Variants in APAF1 observed in about 807,000 individuals in gnomAD.
APAF1 encodes the protein apoptotic protease-activating factor 1.
A neutral mutation model predicts 152.4 loss-of-function variants in APAF1; 91 were observed. That is an observed-to-expected ratio of 0.60 (90% CI 0.50 to 0.71). APAF1 has a LOEUF of 0.71. Ranked by LOEUF, APAF1 falls within the 30% of genes least tolerant of loss-of-function variation. The pLI, the probability that APAF1 is intolerant of heterozygous loss-of-function variation, is 0.00. For missense variants in APAF1, 1,283 were observed against 1,472.0 expected, an observed-to-expected ratio of 0.87 and a Z score of 2.10; for synonymous variants, 484 against 494.1, an observed-to-expected ratio of 0.98 and a Z score of 0.27.
chr12:98,679,861 TCA>T (rs2153323618), intron 13 of APAF1, among the ~76,000 whole-genome samples: 1 of 152,364 alleles, frequency 6.6e-6, no homozygotes, highest in East Asian at 1.9e-4. Context: ...CCACGCTCAC[TCA>T]CACACGCCTC....
rs556068837 is a variant in APAF1, at chr12:98,647,120, A to T, written c.-41-1199A>T. On this transcript the variant is annotated intron_variant, in intron 1 of 26. Transcript: ENST00000551964. ...GAAATGATAATGTGTGCTAAAAAAAATTGACAGTAGAGGCCGGGCATGGTG... is the reference window on the plus strand; with the variant it reads ...GAAATGATAATGTGTGCTAAAAAAATTTGACAGTAGAGGCCGGGCATGGTG... Among the ~76,000 whole-genome samples the T allele has an allele frequency of 3.5e-4, 54 of 152,226 alleles. 1 individual carries two copies. Among genetic ancestry groups the T allele is most frequent in the African/African-American group, 1.2e-3 (51 of 41,532 alleles).
chr12:98,662,495 G>A lies in APAF1; in HGVS notation c.750G>A (p.Val250=). 2 of 1,613,612 alleles carry A rather than the reference G, an allele frequency of 1.2e-6. No homozygotes were observed. Among genetic ancestry groups the A allele is most frequent in the South Asian group, 1.1e-5 (1 of 91,066 alleles). ...TGGATGATGTTTGGGACTCTTGGGT[G>A]TTGAAAGCTTTTGACAGTCAGTGTC... ...LILDDVWDSW[V]LKAFDSQCQI... Residue 250 remains valine, a synonymous_variant, in exon 6 of 27, where the codon GTG becomes GTA. Transcript: ENST00000551964.
Position 98,662,582 on chromosome 12 carries a change from GTTTACT to G in APAF1, c.823+18_823+23del, listed in dbSNP as rs1565861327. 2 of 1,607,756 alleles carry G rather than the reference GTTTACT, an allele frequency of 1.2e-6. No individual in the cohort carries two copies. The highest frequency in any genetic ancestry group is 2.7e-5 in the African/African-American group (2 of 74,848). On this transcript the variant is annotated intron_variant, in intron 6 of 26. Transcript: ENST00000551964. ...ATTCAGTAATGGGTAAGGATTATTC[GTTTACT>G]TTTTAGTACCTTTATATTTAATTTA...
intron 26 of APAF1, among the ~76,000 whole-genome samples, chr12:98,728,396 T>G (rs1360463017): frequency 1.3e-5 from 2 of 152,104 alleles, no homozygotes; most frequent in African/African-American, 4.8e-5. Context: ...AGGAAAATGA[T>G]TTTCTATGGA....
intron 18 of APAF1, 121 bp downstream of exon 18, chr12:98,703,620 C>A: frequency 3.2e-6 from 4 of 1,256,018 alleles, no homozygotes; most frequent in Non-Finnish European, 4.6e-6. Context: ...AGAGTATTTT[C>A]TTTATAGCCT....
At chr12:98,663,857 C>T (rs2097668704) in intron 7 of APAF1, among the ~76,000 whole-genome samples, 1 of 151,902 alleles carries the variant, frequency 6.6e-6, no homozygotes, top group Admixed American at 6.6e-5. Context: ...CGGGGTTTCG[C>T]CATGTTGGTC....
rs1336415243 is a variant in APAF1 at position 98,671,031 on chromosome 12, G to T, written c.1553G>T (p.Gly518Val). 3 of 1,612,528 alleles carry T rather than the reference G, an allele frequency of 1.9e-6. No individual in the cohort carries two copies. Among genetic ancestry groups the T allele is most frequent in the Non-Finnish European group, 2.5e-6 (3 of 1,179,400 alleles). The change falls in exon 11 of 27, where the codon GGC becomes GTC. Residue 518 changes from glycine (G) to valine (V), a missense_variant. By Grantham distance (109) the Gly-to-Val change is moderately radical (BLOSUM62 -3). Coordinates refer to ENST00000551964, the MANE Select transcript of APAF1 (RefSeq NM_181861.2). ...DWIKAKTELVGPAHLIHEFVE... is the reference protein window; with the variant it reads ...DWIKAKTELVVPAHLIHEFVE... ...ATTAAAGCAAAAACAGAACTTGTAG[G>T]CCCTGCTCATCTGATTCATGAATTT...
intron 20 of APAF1, among the ~76,000 whole-genome samples, chr12:98,711,531 A>G (rs943463977): frequency 6.6e-6 from 1 of 152,164 alleles, no homozygotes; most frequent in Non-Finnish European, 1.5e-5. Context: ...ACTACCTGTG[A>G]TTGGTTGACT....
rs904473367 is a variant in APAF1, at chr12:98,663,661, C to CT, written c.955+864dup. Among the ~76,000 whole-genome samples the CT allele has an allele frequency of 5.9e-5, 9 of 151,352 alleles. No homozygotes were observed. The East Asian group carries it at 7.7e-4, about 13-fold the overall frequency. ...GAAATACCTTATTTTTCTTCTTTTT[C>CT]TTTTTTTTTCTCTTTTGAGACAAGT... On this transcript the variant is annotated intron_variant, in intron 7 of 26. Transcript: ENST00000551964.
intron 21 of APAF1, among the ~76,000 whole-genome samples, 156 bp from the exon 22 acceptor site, chr12:98,715,271 T>TC (rs1337512341): frequency 1.6e-5 from 2 of 124,650 alleles, no homozygotes; most frequent in Admixed American, 8.0e-5. Flanking sequence ...TATATATATA[T>TC]ATATATATAT....
intron 25 of APAF1, 81 bp downstream of exon 25, chr12:98,725,621 G>C: frequency 6.3e-7 from 1 of 1,591,656 alleles, no homozygotes; most frequent in Non-Finnish European, 8.6e-7. Context: ...CTTTGTTCAC[G>C]GGCCAGGGAA....
chr12:98,666,131 G>C, intron 8 of APAF1, 59 bp from the exon 9 acceptor site: 1 of 1,507,660 alleles, frequency 6.6e-7, no homozygotes, highest in Non-Finnish European at 9.2e-7. Context: ...GATAATACCT[G>C]TCTACAGTCC....
intron 12 of APAF1, among the ~76,000 whole-genome samples, chr12:98,676,279 G>C (rs1199456478): frequency 6.6e-6 from 1 of 151,988 alleles, no homozygotes; most frequent in Non-Finnish European, 1.5e-5. Context: ...GTATGATCTT[G>C]GCTCACTGCA....
chr12:98,652,863 T>C (rs1255795889), intron 4 of APAF1, among the ~76,000 whole-genome samples: 1 of 152,042 alleles, frequency 6.6e-6, no homozygotes, highest in Non-Finnish European at 1.5e-5. Context: ...CGACCTCAGG[T>C]GATCCCCCTG....
chr12:98,648,335 CAGAG>C lies in APAF1; in HGVS notation c.-19_-16del. 1 of 1,613,820 alleles carries C rather than the reference CAGAG, an allele frequency of 6.2e-7. No homozygotes were observed. The highest frequency in any genetic ancestry group is 1.1e-5 in the South Asian group (1 of 90,988). ...TGGCTGTAGCTCATGGTTGACAGCT[CAGAG>C]AGAGAAAGATCTGAGGGAAGATGGA... On this transcript the variant is annotated 5_prime_UTR_variant, in exon 2 of 27. Coordinates refer to ENST00000551964, the MANE Select transcript of APAF1 (RefSeq NM_181861.2).
chr12:98,665,664 C>T lies in APAF1; in HGVS notation c.1067C>T (p.Ser356Phe), dbSNP rs1227317636. 1.2e-6 allele frequency: 2 copies of T among 1,613,732 alleles called. No homozygotes were observed. The highest frequency in any genetic ancestry group is 2.2e-5 in the East Asian group (1 of 44,874). The change falls in exon 8 of 27, where the codon TCT becomes TTT. Residue 356 changes from serine to phenylalanine, a missense_variant. Transcript: ENST00000551964. Reference protein sequence around the residue: ...QNKQFKRIRKSSSYDYEALDE... With the variant: ...QNKQFKRIRKFSSYDYEALDE... ...AAGCAGTTTAAGAGAATAAGGAAAT[C>T]TTCGTCTTATGATTATGAGGCTCTA...
chr12:98,671,036 G>C lies in APAF1; in HGVS notation c.1558G>C (p.Ala520Pro), dbSNP rs1396327023. Residue 520 changes from alanine (A) to proline (P), a missense_variant, in exon 11 of 27, where the codon GCT becomes CCT. Ala to Pro is a conservative substitution (Grantham distance 27, BLOSUM62 -1). Transcript: ENST00000551964. Reference protein sequence around the residue: ...IKAKTELVGPAHLIHEFVEYR... With the variant: ...IKAKTELVGPPHLIHEFVEYR... The stretch of plus-strand genomic sequence containing the variant: ...AGCAAAAACAGAACTTGTAGGCCCT[G>C]CTCATCTGATTCATGAATTTGTGGA... 2 of 1,612,334 alleles carry C rather than the reference G, an allele frequency of 1.2e-6. No homozygotes were observed. The highest frequency in any genetic ancestry group is 1.7e-6 in the Non-Finnish European group (2 of 1,179,262).
chr12:98,682,842 G>C (rs917943795), intron 14 of APAF1, among the ~76,000 whole-genome samples: 1 of 152,144 alleles, frequency 6.6e-6, no homozygotes, highest in African/African-American at 2.4e-5. Flanking sequence ...GCACTTCTCT[G>C]CCTGCTTTCA....
chr12:98,649,531 G>A lies in APAF1; in HGVS notation c.373G>A (p.Val125Ile). 6.2e-7 allele frequency: 1 copy of A among 1,614,212 alleles called. No homozygotes were observed. The highest frequency in any genetic ancestry group is 8.5e-7 in the Non-Finnish European group (1 of 1,180,034). ...CEGGVPQRPV[V>I]FVTRKKLVNA... ...AGGTGGAGTACCACAGAGGCCAGTTGTTTTTGTCACAAGGAAGAAGCTGGT... is the reference window on the plus strand; with the variant it reads ...AGGTGGAGTACCACAGAGGCCAGTTATTTTTGTCACAAGGAAGAAGCTGGT... Residue 125 changes from valine to isoleucine, a missense_variant, in exon 4 of 27, where the codon GTT becomes ATT. Physicochemically the swap from Val to Ile is conservative, Grantham distance 29 (BLOSUM62 3). Coordinates refer to ENST00000551964, the MANE Select transcript of APAF1 (RefSeq NM_181861.2).
Sources: gnomAD v4.1 joint callset for allele counts (sites outside exome capture counted in the v4.1 genomes callset) on GRCh38, gnomAD v4.1.1 for gene constraint, MANE v1.5 for transcripts, NCBI Gene and HGNC (gene_info 2026-07-23, HGNC 2026-07-21) for gene names.